The following AFF3 variants were observed in gnomAD, a reference collection of about 807,000 sequenced individuals.
AFF3 encodes AF4/FMR2 family member 3.
AFF3 carries 32 observed loss-of-function variants against 129.7 expected under a neutral mutation model. The observed-to-expected ratio is 0.25, with a 90% CI of 0.19 to 0.33. The LOEUF (loss-of-function observed/expected upper bound fraction) is 0.33. Among genes scored for constraint, AFF3 ranks in the 10% least tolerant of loss-of-function variants. The probability of loss-of-function intolerance (pLI) is 1.00; values close to 1 mark genes in which losing one functional copy is unlikely to be tolerated. For synonymous variants in AFF3, 644 were observed against 635.4 expected (o/e 1.01, Z -0.20); for missense variants, 1,373 against 1,592.0 (o/e 0.86, Z 2.34).
intron 11 of AFF3, among the ~76,000 whole-genome samples, chr2:99,674,433 C>G (rs1687435583): frequency 6.6e-6 from 1 of 152,150 alleles, no homozygotes; most frequent in African/African-American, 2.4e-5. Context: ...GGGATGAGGC[C>G]CCTTCCCCAA....
chr2:99,917,567 C>T (rs1310384322), intron 7 of AFF3, among the ~76,000 whole-genome samples: 1 of 152,070 alleles, frequency 6.6e-6, no homozygotes, highest in African/African-American at 2.4e-5. Context: ...GGTGAACAAC[C>T]CCTAAAGAGC....
chr2:99,834,958 G>C (rs1347386906), intron 8 of AFF3, among the ~76,000 whole-genome samples: 8 of 152,096 alleles, frequency 5.3e-5, no homozygotes, highest in Non-Finnish European at 1.5e-5. Flanking sequence ...CTGACCTCCT[G>C]ACCTCCAATA....
At chr2:99,944,247 G>A (rs1237074703) in intron 7 of AFF3, among the ~76,000 whole-genome samples, 1 of 152,114 alleles carries the variant, frequency 6.6e-6, no homozygotes, top group East Asian at 1.9e-4. Context: ...GACCAAGTAC[G>A]GCCTATCTGC....
At chr2:99,605,761 C>A (rs967166120) in intron 13 of AFF3, among the ~76,000 whole-genome samples, 1 of 152,170 alleles carries the variant, frequency 6.6e-6, no homozygotes, top group Non-Finnish European at 1.5e-5. Context: ...TAGCTCACTG[C>A]AGCCTCGAAC....
intron 8 of AFF3, among the ~76,000 whole-genome samples, chr2:99,785,112 G>T (rs1684697621): frequency 6.6e-6 from 1 of 152,148 alleles, no homozygotes; most frequent in Non-Finnish European, 1.5e-5. Flanking sequence ...AGCCAGGAGA[G>T]AATGCAGATG....
intron 8 of AFF3, among the ~76,000 whole-genome samples, chr2:99,802,693 CTTTTTTT>C (rs57516339): frequency 8.2e-6 from 1 of 122,584 alleles, no homozygotes; most frequent in African/African-American, 3.0e-5. Flanking sequence ...CCTAGGGTGT[CTTTTTTT>C]TTTTTTTTTT....
intron 18 of AFF3, chr2:99,572,544 C>T: frequency 2.2e-6 from 1 of 453,224 alleles, no homozygotes; most frequent in Non-Finnish European, 4.4e-6. Context: ...GATGAGAGCT[C>T]AATGTGTTTG....
At chr2:99,717,132 C>T (rs900964192) in intron 11 of AFF3, among the ~76,000 whole-genome samples, 67 of 152,164 alleles carry the variant, frequency 4.4e-4, no homozygotes, top group African/African-American at 1.1e-3. Context: ...TGTTTATTCA[C>T]GAGTTGATGG....
At chr2:100,012,407 C>T (rs1682638063) in intron 4 of AFF3, among the ~76,000 whole-genome samples, 1 of 152,196 alleles carries the variant, frequency 6.6e-6, no homozygotes. Context: ...CATATCATTT[C>T]ATGGCTAGGG....
intron 4 of AFF3, among the ~76,000 whole-genome samples, chr2:100,023,357 T>G (rs1436792900): frequency 6.6e-6 from 1 of 152,180 alleles, no homozygotes; most frequent in Non-Finnish European, 1.5e-5. Context: ...ATTTTGTTTA[T>G]GACTGGCACA....
chr2:99,883,536 G>A (rs112441182), intron 7 of AFF3, among the ~76,000 whole-genome samples: 58 of 152,344 alleles, frequency 3.8e-4, no homozygotes, highest in African/African-American at 1.3e-3. Context: ...TAACATCTCA[G>A]AGTCATTAAT....
At chr2:99,701,711 A>G (rs1045685839) in intron 11 of AFF3, among the ~76,000 whole-genome samples, 2 of 152,202 alleles carry the variant, frequency 1.3e-5, no homozygotes, top group Non-Finnish European at 2.9e-5. Context: ...GCACGTAGCT[A>G]TATGTAATTT....
At chr2:100,105,762 C>T (rs780446142) in intron 2 of AFF3, 179 bp from the exon 3 acceptor site, 32 of 1,360,926 alleles carry the variant, frequency 2.4e-5, no homozygotes, top group African/African-American at 2.9e-5. Context: ...CCCTCCAAGG[C>T]CCCCTGACTC....
At chr2:99,997,535 A>G (rs554595208) in intron 7 of AFF3, among the ~76,000 whole-genome samples, 1 of 148,372 alleles carries the variant, frequency 6.7e-6, no homozygotes, top group African/African-American at 2.5e-5. Context: ...CCCCTGACCC[A>G]TTACAGCTCA....
At chr2:99,636,274 C>G (rs1683644621) in intron 13 of AFF3, among the ~76,000 whole-genome samples, 1 of 152,134 alleles carries the variant, frequency 6.6e-6, no homozygotes. Context: ...AACAGGGCCA[C>G]AGGGAGGCCA....
intron 2 of AFF3, among the ~76,000 whole-genome samples, chr2:100,122,097 A>G (rs916631958): frequency 1.3e-5 from 2 of 152,184 alleles, no homozygotes; most frequent in Admixed American, 6.5e-5. Flanking sequence ...ATAAAAAATA[A>G]CAAGCATATG....
rs761105456 is a variant in AFF3, at chr2:99,593,864, G to A, written c.1797C>T (p.Gly599=). The part of the protein sequence containing the change: ...RRTERTSAGD[G]ANCHRPEEPA... ...GCTCCTCGGGCCGGTGGCAGTTGGCGCCGTCCCCGGCTGAGGTCCTCTCGG... is the reference window on the plus strand; with the variant it reads ...GCTCCTCGGGCCGGTGGCAGTTGGCACCGTCCCCGGCTGAGGTCCTCTCGG... The change falls in exon 15 of 25, where the codon GGC becomes GGT. Residue 599 remains glycine, a synonymous_variant. Transcript: ENST00000672756. 11 of 1,569,028 alleles carry A rather than the reference G, an allele frequency of 7.0e-6. No homozygotes were observed. Among genetic ancestry groups the A allele is most frequent in the East Asian group, 2.3e-5 (1 of 43,298 alleles).
At chr2:99,769,077 C>T (rs774345552) in intron 8 of AFF3, among the ~76,000 whole-genome samples, 7 of 152,144 alleles carry the variant, frequency 4.6e-5, no homozygotes, top group Non-Finnish European at 1.0e-4. Flanking sequence ...TACACTTTCT[C>T]CCTATCTATT....
At chr2:99,837,587 G>T in intron 7 of AFF3, 63 bp from the exon 8 acceptor site, 2 of 1,497,928 alleles carry the variant, frequency 1.3e-6, no homozygotes, top group Non-Finnish European at 1.8e-6. Flanking sequence ...CAGAAGACAT[G>T]CAAGGTTCCA....
Sources: allele counts gnomAD v4.1 joint callset (sites outside exome capture counted in the v4.1 genomes callset), GRCh38; gene constraint gnomAD v4.1.1; transcripts MANE v1.5; gene names NCBI Gene and HGNC (gene_info 2026-07-23, HGNC 2026-07-21).